KLF8: variants seen among roughly 807,000 people sequenced by gnomAD.
KLF8 encodes the protein Krueppel-like factor 8.
A neutral mutation model predicts 18.2 loss-of-function variants in KLF8; 10 were observed. The ratio of observed to expected loss-of-function variants is 0.55; its 90% CI spans 0.34 to 0.93. The LOEUF is 0.93. Ranked by LOEUF, KLF8 falls within the 40% of genes least tolerant of loss-of-function variation. The probability of loss-of-function intolerance (pLI) is 0.02; values close to 1 mark genes in which losing one functional copy is unlikely to be tolerated. For synonymous variants in KLF8, 109 were observed against 97.3 expected, an observed-to-expected ratio of 1.12 and a Z score of -0.71; for missense variants, 264 against 277.9, an observed-to-expected ratio of 0.95 and a Z score of 0.36.
At chrX:56,182,303 C>T in the KLF8 span, among the ~76,000 whole-genome samples, 1 of 112,431 alleles carries the variant, frequency 8.9e-6, no homozygotes, top group East Asian at 2.8e-4. Flanking sequence ...CCAAGGTTTT[C>T]AGCTCCATGA....
the KLF8 span, among the ~76,000 whole-genome samples, chrX:56,150,741 A>G: frequency 2.7e-5 from 3 of 111,093 alleles, no homozygotes; most frequent in African/African-American, 9.8e-5. Context: ...AAGTGTCAAA[A>G]ATACCTGTTT....
At chrX:56,061,856 G>A in the KLF8 span, among the ~76,000 whole-genome samples, 9 of 110,584 alleles carry the variant, frequency 8.1e-5, no homozygotes, top group African/African-American at 2.7e-4. Flanking sequence ...TGTATTGGGT[G>A]CATATATATT....
chrX:56,102,309 A>T, the KLF8 span, among the ~76,000 whole-genome samples: 3 of 111,103 alleles, frequency 2.7e-5, no homozygotes, highest in Non-Finnish European at 5.7e-5. Context: ...CCATCGGTTT[A>T]TGTATTGCTT....
chrX:55,937,530 C>T, the KLF8 span, among the ~76,000 whole-genome samples: 1 of 112,479 alleles, frequency 8.9e-6, no homozygotes, highest in African/African-American at 3.2e-5. Flanking sequence ...CGGAGAATGA[C>T]TTTGACGAGT....
At chrX:56,054,014 T>A in the KLF8 span, among the ~76,000 whole-genome samples, 1 of 111,687 alleles carries the variant, frequency 9.0e-6, no homozygotes, top group Admixed American at 9.6e-5. Flanking sequence ...AGTTCTGATT[T>A]TGGTTATTTC....
intron 1 of KLF8, chrX:56,242,794 T>C (rs954670523): frequency 1.6e-5 from 4 of 254,640 alleles, no homozygotes; most frequent in African/African-American, 8.6e-5. Context: ...CTGTTCTTTT[T>C]AACATCCTAG....
chrX:55,919,714 A>C, the KLF8 span, among the ~76,000 whole-genome samples: 2 of 111,317 alleles, frequency 1.8e-5, no homozygotes, highest in Non-Finnish European at 3.8e-5. Flanking sequence ...CAGCAGCCAC[A>C]GCAAGCCCGG....
At chrX:56,081,002 G>T in the KLF8 span, among the ~76,000 whole-genome samples, 57 of 110,602 alleles carry the variant, frequency 5.2e-4, no homozygotes, top group African/African-American at 1.8e-3. Context: ...AGCTCCATCA[G>T]CTCCTTTAAG....
the KLF8 span, among the ~76,000 whole-genome samples, chrX:56,078,701 G>A: frequency 3.6e-5 from 4 of 111,663 alleles, no homozygotes; most frequent in African/African-American, 1.3e-4. Context: ...TGACTGGAAT[G>A]ATTTCAGAAG....
At chrX:56,264,249 C>A (rs2066926432) in intron 2 of KLF8, among the ~76,000 whole-genome samples, 1 of 109,948 alleles carries the variant, frequency 9.1e-6, no homozygotes, top group Non-Finnish European at 1.9e-5. Flanking sequence ...TATAAATGAT[C>A]ATTTATTAGT....
chrX:56,024,354 C>T, the KLF8 span, among the ~76,000 whole-genome samples: 34 of 110,296 alleles, frequency 3.1e-4, no homozygotes, highest in African/African-American at 1.1e-3. Flanking sequence ...ATTACAGGCT[C>T]GCACCACCAC....
the KLF8 span, among the ~76,000 whole-genome samples, chrX:56,052,945 C>T: frequency 8.9e-6 from 1 of 111,847 alleles, no homozygotes; most frequent in Admixed American, 9.5e-5. Flanking sequence ...ACCCTCCGAG[C>T]CAGGTGTGGG....
chrX:55,974,524 A>C, the KLF8 span, among the ~76,000 whole-genome samples: 1 of 112,211 alleles, frequency 8.9e-6, no homozygotes, highest in South Asian at 3.7e-4. Flanking sequence ...TTTTTCACAA[A>C]GAAGATTGAA....
the KLF8 span, among the ~76,000 whole-genome samples, chrX:56,095,455 A>G: frequency 8.9e-6 from 1 of 111,892 alleles, no homozygotes; most frequent in Non-Finnish European, 1.9e-5. Flanking sequence ...TACAATAGAA[A>G]AGTAGACAAA....
At chrX:56,185,487 A>G in the KLF8 span, among the ~76,000 whole-genome samples, 89 of 111,769 alleles carry the variant, frequency 8.0e-4, no homozygotes, top group African/African-American at 2.5e-3. Context: ...CAATCTAGCA[A>G]GGCAGGCCAA....
At chrX:56,209,853 A>G in the KLF8 span, among the ~76,000 whole-genome samples, 232 of 111,499 alleles carry the variant, frequency 2.1e-3, 1 homozygote, top group African/African-American at 7.3e-3. Flanking sequence ...CTTATAATCT[A>G]TTATTTTAAC....
chrX:56,034,297 G>A, the KLF8 span, among the ~76,000 whole-genome samples: 3 of 111,450 alleles, frequency 2.7e-5, no homozygotes, highest in Non-Finnish European at 3.8e-5. Context: ...TATATTATTG[G>A]CATCTTTGTC....
the KLF8 span, among the ~76,000 whole-genome samples, chrX:55,940,782 A>C: frequency 9.0e-6 from 1 of 111,660 alleles, no homozygotes; most frequent in African/African-American, 3.3e-5. Context: ...CAATTGCTTC[A>C]AAGAGAATAA....
chrX:55,934,164 C>T, the KLF8 span, among the ~76,000 whole-genome samples: 4 of 111,713 alleles, frequency 3.6e-5, no homozygotes, highest in Non-Finnish European at 7.5e-5. Context: ...ATTTGCCTTT[C>T]GTCTGTAAAT....
Sources: allele counts gnomAD v4.1 joint callset (sites outside exome capture counted in the v4.1 genomes callset), GRCh38; gene constraint gnomAD v4.1.1; transcripts MANE v1.5; gene names NCBI Gene and HGNC (gene_info 2026-07-23, HGNC 2026-07-21).